MYOCD: variants seen among roughly 807,000 people sequenced by gnomAD.
MYOCD encodes myocardin.
Under a neutral mutation model 96.1 loss-of-function variants are expected in MYOCD, and 32 were observed. The ratio of observed to expected loss-of-function variants is 0.33; its 90% CI spans 0.25 to 0.45. The LOEUF (loss-of-function observed/expected upper bound fraction) is 0.45. Among genes scored for constraint, MYOCD ranks in the 20% least tolerant of loss-of-function variants. The pLI, the probability that MYOCD is intolerant of heterozygous loss-of-function variation, is 1.00. For synonymous variants in MYOCD, 469 were observed against 469.0 expected (o/e 1.00, Z 0.00); for missense variants, 1,133 against 1,200.6 (o/e 0.94, Z 0.83).
intron 10 of MYOCD, among the ~76,000 whole-genome samples, chr17:12,755,455 A>G (rs1383482391): frequency 6.6e-6 from 1 of 152,172 alleles, no homozygotes; most frequent in Non-Finnish European, 1.5e-5. Flanking sequence ...CTAAAAATAC[A>G]AAAATTAGGC....
rs1450031224 is a variant in MYOCD, at chr17:12,752,709, C to T, written c.1421C>T (p.Thr474Ile). 4 of 1,614,090 alleles carry T rather than the reference C, an allele frequency of 2.5e-6. No individual in the cohort carries two copies. Among genetic ancestry groups the T allele is most frequent in the Non-Finnish European group, 3.4e-6 (4 of 1,180,052 alleles). The stretch of plus-strand genomic sequence containing the variant: ...TCAGTCGCTGGGTCCCTGCCGGACA[C>T]CTTCAATGATGCCTCCCCCTCCTTC... ...DLSVAGSLPDTFNDASPSFGL... is the reference protein window; with the variant it reads ...DLSVAGSLPDIFNDASPSFGL... The change falls in exon 10 of 14, where the codon ACC becomes ATC. Residue 474 changes from threonine (T) to isoleucine (I), a missense_variant. Physicochemically the swap from Thr to Ile is moderately conservative, Grantham distance 89. Transcript: ENST00000425538.
At chr17:12,761,440 T>A (rs1304288560) in intron 13 of MYOCD, 3 of 152,182 alleles carry the variant, frequency 2.0e-5, no homozygotes, top group African/African-American at 7.2e-5. Flanking sequence ...CTATGGAGTT[T>A]ACAGTCTGGT....
intron 1 of MYOCD, among the ~76,000 whole-genome samples, chr17:12,672,886 A>G (rs1412233489): frequency 1.3e-5 from 2 of 152,194 alleles, no homozygotes; most frequent in Non-Finnish European, 2.9e-5. Flanking sequence ...GTATGTCTTT[A>G]TCAGCAATCC....
At chr17:12,675,994 G>A (rs1425987651) in intron 1 of MYOCD, among the ~76,000 whole-genome samples, 1 of 152,022 alleles carries the variant, frequency 6.6e-6, no homozygotes, top group Non-Finnish European at 1.5e-5. Context: ...TTTACCATTT[G>A]CATCTTTTAA....
At chr17:12,721,538 A>G (rs1246098510) in intron 4 of MYOCD, among the ~76,000 whole-genome samples, 1 of 142,908 alleles carries the variant, frequency 7.0e-6, no homozygotes, top group African/African-American at 2.5e-5. Context: ...GAAATAAGCC[A>G]AGGTGCAAAG....
At chr17:12,724,286 T>A (rs1420840937) in intron 5 of MYOCD, among the ~76,000 whole-genome samples, 1 of 152,216 alleles carries the variant, frequency 6.6e-6, no homozygotes, top group East Asian at 1.9e-4. Flanking sequence ...TATTTTTACA[T>A]GATAGGAAAA....
At chr17:12,679,161 A>G (rs1307237430) in intron 1 of MYOCD, among the ~76,000 whole-genome samples, 1 of 152,116 alleles carries the variant, frequency 6.6e-6, no homozygotes, top group East Asian at 1.9e-4. Flanking sequence ...CATTTAACCT[A>G]TTTCCTCTCT....
intron 8 of MYOCD, among the ~76,000 whole-genome samples, chr17:12,745,234 A>T (rs1225050192): frequency 6.6e-6 from 1 of 151,364 alleles, no homozygotes; most frequent in Non-Finnish European, 1.5e-5. Context: ...TTCGAGATGG[A>T]GTTTCACTCT....
At chr17:12,702,749 T>A (rs2150671195) in intron 1 of MYOCD, among the ~76,000 whole-genome samples, 1 of 152,100 alleles carries the variant, frequency 6.6e-6, no homozygotes, top group East Asian at 1.9e-4. Context: ...ACTGTGACAG[T>A]CTACCTATAG....
rs375548017 is a variant in MYOCD, at chr17:12,739,309, C to T, written c.698C>T (p.Ala233Val). ...QGLGPPSTPIAVHAAVKSKSL... is the reference protein window; with the variant it reads ...QGLGPPSTPIVVHAAVKSKSL... Reference sequence around the variant, plus strand: ...CTTGGCCCCCCCAGCACCCCCATAGCCGTGCATGCTGCTGTAAAGGTACGG... The same window carrying T: ...CTTGGCCCCCCCAGCACCCCCATAGTCGTGCATGCTGCTGTAAAGGTACGG... The change falls in exon 7 of 14, where the codon GCC (alanine) becomes GTC (valine). Residue 233 changes from alanine (A) to valine (V), a missense_variant. Transcript: ENST00000425538. 6.2e-7 allele frequency: 1 copy of T among 1,603,644 alleles called. No homozygotes were observed. The highest frequency in any genetic ancestry group is 8.5e-7 in the Non-Finnish European group (1 of 1,175,902).
In MYOCD at chr17:12,746,109, AC is replaced by A. The variant is rs377320452; in HGVS notation, c.1125+38del. On this transcript the variant is annotated intron_variant, in intron 9 of 13. Coordinates refer to ENST00000425538, the MANE Select transcript of MYOCD (RefSeq NM_001146312.3). ...GACATGAGTTTCTTTCTTTTTTTAA[AC>A]AAATACAACAGTATGTTGTTAACAT... The A allele has an allele frequency of 2.1e-5, 33 of 1,604,080 alleles. No homozygotes were observed. In the African/African-American group the frequency reaches 4.0e-4, roughly 20 times the overall value.
chr17:12,700,819 GA>G (rs1488942830), intron 1 of MYOCD, among the ~76,000 whole-genome samples: 1 of 152,046 alleles, frequency 6.6e-6, no homozygotes, highest in Non-Finnish European at 1.5e-5. Flanking sequence ...TTATTTAATG[GA>G]AAACTTGGAA....
intron 1 of MYOCD, among the ~76,000 whole-genome samples, chr17:12,682,589 A>G (rs1223978633): frequency 6.6e-6 from 1 of 152,224 alleles, no homozygotes; most frequent in Non-Finnish European, 1.5e-5. Context: ...GAGAGTTTTC[A>G]GGGGGCTCAT....
chr17:12,668,212 TTCTC>T (rs1229874121), intron 1 of MYOCD, among the ~76,000 whole-genome samples: 14 of 152,232 alleles, frequency 9.2e-5, no homozygotes, highest in Admixed American at 8.5e-4. Flanking sequence ...TTATTTTGAT[TTCTC>T]TCTCTCTCTT....
intron 1 of MYOCD, among the ~76,000 whole-genome samples, chr17:12,695,937 T>C (rs1379424056): frequency 6.6e-6 from 1 of 151,666 alleles, no homozygotes; most frequent in Non-Finnish European, 1.5e-5. Flanking sequence ...TGGATTCATA[T>C]AGTGTTTCTA....
intron 1 of MYOCD, among the ~76,000 whole-genome samples, chr17:12,692,896 C>T (rs2030526725): frequency 6.6e-6 from 1 of 152,112 alleles, no homozygotes; most frequent in African/African-American, 2.4e-5. Flanking sequence ...TAGTTAACAA[C>T]TTCACAGGAT....
In MYOCD at chr17:12,741,474, G is replaced by A. The variant is rs1233034514; in HGVS notation, c.717+2146G>A. ...TGTAATCCCAGCACTTTGGGAGGCC[G>A]AGGCGGGCAGATCACCTGAGGTCAG... On this transcript the variant is annotated intron_variant, in intron 7 of 13. Coordinates refer to ENST00000425538, the MANE Select transcript of MYOCD (RefSeq NM_001146312.3). Among the ~76,000 whole-genome samples the A allele has an allele frequency of 4.6e-5, 7 of 152,200 alleles. No homozygotes were observed. The South Asian group carries it at 8.3e-4, about 18-fold the overall frequency.
intron 2 of MYOCD, among the ~76,000 whole-genome samples, chr17:12,706,793 A>T (rs1423361413): frequency 6.6e-6 from 1 of 152,242 alleles, no homozygotes; most frequent in Non-Finnish European, 1.5e-5. Flanking sequence ...GTTCCCCAGG[A>T]ATTCCAGAAT....
chr17:12,722,808 C>G lies in MYOCD; in HGVS notation c.254-39C>G, dbSNP rs541578709. On this transcript the variant is annotated intron_variant, in intron 4 of 13. Coordinates refer to ENST00000425538, the MANE Select transcript of MYOCD (RefSeq NM_001146312.3). The stretch of plus-strand genomic sequence containing the variant: ...ACAAAAAAGAGAGAGACAGAGACAT[C>G]AAATTCTAGAACTGATCCTTTTCAT... 2.5e-5 allele frequency: 38 copies of G among 1,549,706 alleles called. No homozygotes were observed. In the African/African-American group the frequency reaches 4.8e-4, roughly 20 times the overall value.
Sources: allele counts gnomAD v4.1 joint callset (sites outside exome capture counted in the v4.1 genomes callset), GRCh38; gene constraint gnomAD v4.1.1; transcripts MANE v1.5; gene names NCBI Gene and HGNC (gene_info 2026-07-23, HGNC 2026-07-21).